Variants in USH2A observed in about 807,000 individuals in gnomAD.
USH2A encodes the protein Usher syndrome 2A (autosomal recessive, mild).
In USH2A, 443 loss-of-function variants were observed where a neutral mutation model predicts 538.9. That is an observed-to-expected ratio of 0.82 (90% CI 0.76 to 0.89). The LOEUF is 0.89. Among genes scored for constraint, USH2A ranks in the 40% least tolerant of loss-of-function variants. The pLI, the probability that USH2A is intolerant of heterozygous loss-of-function variation, is 0.00. For missense variants in USH2A, 6,633 were observed against 6,324.8 expected, an observed-to-expected ratio of 1.05 and a Z score of -1.65; for synonymous variants, 2,413 against 2,273.5, an observed-to-expected ratio of 1.06 and a Z score of -1.75.
intron 32 of USH2A, among the ~76,000 whole-genome samples, chr1:216,041,014 C>T (rs952568769): frequency 6.6e-6 from 1 of 151,930 alleles, no homozygotes; most frequent in African/African-American, 2.4e-5. Flanking sequence ...AACCTACATC[C>T]TATTTTTCAT....
chr1:215,996,942 G>T (rs1284307818), intron 34 of USH2A, among the ~76,000 whole-genome samples: 2 of 152,018 alleles, frequency 1.3e-5, no homozygotes, highest in African/African-American at 2.4e-5. Flanking sequence ...CTGCTTAAAG[G>T]CTTTGTTATC....
intron 49 of USH2A, among the ~76,000 whole-genome samples, chr1:215,803,918 A>G (rs1381220089): frequency 6.6e-6 from 1 of 152,178 alleles, no homozygotes; most frequent in Non-Finnish European, 1.5e-5. Context: ...ACAGCATGGT[A>G]CTGGTACCAA....
intron 52 of USH2A, among the ~76,000 whole-genome samples, chr1:215,783,702 A>G (rs1350992481): frequency 6.6e-6 from 1 of 152,228 alleles, no homozygotes; most frequent in African/African-American, 2.4e-5. Context: ...TTGAAAGTTT[A>G]ATTATTTAAA....
At chr1:215,941,109 T>C (rs1666621131) in intron 37 of USH2A, among the ~76,000 whole-genome samples, 1 of 152,132 alleles carries the variant, frequency 6.6e-6, no homozygotes, top group Non-Finnish European at 1.5e-5. Context: ...TAAATGTATC[T>C]CATTTTATGA....
chr1:216,315,919 T>A (rs74141554), intron 9 of USH2A, among the ~76,000 whole-genome samples: 10 of 152,334 alleles, frequency 6.6e-5, no homozygotes, highest in African/African-American at 2.4e-4. Flanking sequence ...GAATAGCATC[T>A]AGGCTTTTGG....
intron 30 of USH2A, among the ~76,000 whole-genome samples, chr1:216,064,531 T>G (rs901563698): frequency 6.6e-6 from 1 of 151,798 alleles, no homozygotes; most frequent in Admixed American, 6.6e-5. Context: ...TCATCAAACT[T>G]ATAAGAAAAC....
intron 21 of USH2A, among the ~76,000 whole-genome samples, chr1:216,157,911 G>C (rs1173766181): frequency 6.6e-6 from 1 of 152,040 alleles, no homozygotes; most frequent in African/African-American, 2.4e-5. Context: ...ATATAGCCAA[G>C]TAACAAACCC....
intron 58 of USH2A, among the ~76,000 whole-genome samples, chr1:215,755,914 C>T (rs1020546154): frequency 2.6e-5 from 4 of 152,060 alleles, no homozygotes; most frequent in African/African-American, 7.2e-5. Context: ...AAAAATGACA[C>T]GCTGGGAAAT....
At position 215,634,585 on chromosome 1, in the gene USH2A, A is replaced by G. The variant is rs576344509; in HGVS notation, c.15171T>C (p.Ile5057=). ...TTCTTTGTAGTATCAGGGACAGAAA[A>G]ATGGCCAACAAGATCAAGCCCAGCA... ...MAMLGLILLA[I]FLSLILQRKI... Residue 5057 remains isoleucine (I), a synonymous_variant, in exon 70 of 72, where the codon ATT becomes ATC. Coordinates refer to ENST00000307340, the MANE Select transcript of USH2A (RefSeq NM_206933.4). 55 of 1,614,148 alleles carry G rather than the reference A, an allele frequency of 3.4e-5. No individual in the cohort carries two copies. The South Asian group carries it at 5.8e-4, about 17-fold the overall frequency.
At chr1:215,933,049 T>C (rs939878273) in intron 38 of USH2A, among the ~76,000 whole-genome samples, 1 of 151,964 alleles carries the variant, frequency 6.6e-6, no homozygotes, top group Non-Finnish European at 1.5e-5. Context: ...ATGAATATGA[T>C]ATAAATTACT....
At chr1:216,386,526 A>T (rs1375001069) in intron 3 of USH2A, among the ~76,000 whole-genome samples, 1 of 103,598 alleles carries the variant, frequency 9.7e-6, no homozygotes, top group Non-Finnish European at 2.0e-5. Flanking sequence ...CAAACAAAAA[A>T]CAAAAACCAA....
At position 215,623,127 on chromosome 1, in the gene USH2A, A is replaced by C. The variant is rs1655855026; in HGVS notation, c.*2654T>G. ...GGTTCCATTTAGTGGAAATTACAGTAGATTATAAACACATTTCTTAGAGTG... is the reference window on the plus strand; with the variant it reads ...GGTTCCATTTAGTGGAAATTACAGTCGATTATAAACACATTTCTTAGAGTG... On this transcript the variant is annotated 3_prime_UTR_variant, in exon 72 of 72. Coordinates refer to ENST00000307340, the MANE Select transcript of USH2A (RefSeq NM_206933.4). 1 of 152,164 alleles carries C rather than the reference A, an allele frequency of 6.6e-6. No individual in the cohort carries two copies. Among genetic ancestry groups the C allele is most frequent in the Admixed American group, 6.6e-5 (1 of 15,264 alleles). 9.4% of individuals were successfully genotyped at this position (152,164 alleles called of 1,614,324 possible).
At chr1:215,892,013 A>T (rs1665222835) in intron 40 of USH2A, among the ~76,000 whole-genome samples, 1 of 152,210 alleles carries the variant, frequency 6.6e-6, no homozygotes, top group Non-Finnish European at 1.5e-5. Flanking sequence ...ATTATCTTTT[A>T]TGGGAAACTA....
intron 40 of USH2A, among the ~76,000 whole-genome samples, chr1:215,897,297 G>T (rs1665372881): frequency 6.6e-6 from 1 of 152,184 alleles, no homozygotes; most frequent in African/African-American, 2.4e-5. Flanking sequence ...GGCTGATGCA[G>T]AAAGGTGCCT....
intron 15 of USH2A, among the ~76,000 whole-genome samples, chr1:216,216,171 G>A (rs1262439272): frequency 6.6e-6 from 1 of 152,148 alleles, no homozygotes; most frequent in Non-Finnish European, 1.5e-5. Flanking sequence ...TAATTAAGTG[G>A]CCAATGAAGT....
chr1:215,890,469 T>C (rs1297399251), intron 40 of USH2A, among the ~76,000 whole-genome samples: 1 of 152,138 alleles, frequency 6.6e-6, no homozygotes. Flanking sequence ...AGAATCATAA[T>C]CACTTTTCGA....
At chr1:215,994,096 C>A (rs1668078058) in intron 34 of USH2A, among the ~76,000 whole-genome samples, 1 of 152,050 alleles carries the variant, frequency 6.6e-6, no homozygotes, top group African/African-American at 2.4e-5. Flanking sequence ...AGTATCTCTT[C>A]AAGTTACAAT....
intron 9 of USH2A, among the ~76,000 whole-genome samples, chr1:216,297,687 T>C (rs2037133653): frequency 6.6e-6 from 1 of 152,294 alleles, no homozygotes; most frequent in East Asian, 1.9e-4. Context: ...ATAAATGCAC[T>C]GGTCTACGAT....
intron 9 of USH2A, 37 bp downstream of exon 9, chr1:216,321,844 ATT>A: frequency 1.4e-6 from 2 of 1,400,460 alleles, no homozygotes; most frequent in Non-Finnish European, 2.0e-6. Context: ...CATCTCTACT[ATT>A]TTTTTTTTAG....
Sources: allele counts gnomAD v4.1 joint callset (sites outside exome capture counted in the v4.1 genomes callset), GRCh38; gene constraint gnomAD v4.1.1; transcripts MANE v1.5; gene names NCBI Gene and HGNC (gene_info 2026-07-23, HGNC 2026-07-21).